Variants in AQP10 observed in about 807,000 individuals in gnomAD.
AQP10 encodes aquaporin-10.
A neutral mutation model predicts 21.0 loss-of-function variants in AQP10; 15 were observed. The ratio of observed to expected loss-of-function variants is 0.71; its 90% CI spans 0.48 to 1.10. The LOEUF is 1.10. AQP10 is among the 50% of genes least tolerant of loss of function. The pLI, the probability that AQP10 is intolerant of heterozygous loss-of-function variation, is 0.00. For synonymous variants in AQP10, 143 were observed against 155.7 expected (o/e 0.92, Z 0.61); for missense variants, 268 against 379.5 (o/e 0.71, Z 2.44).
chr1:154,324,094 G>C, intron 5 of AQP10, 188 bp from the exon 6 acceptor site: 1 of 1,193,946 alleles, frequency 8.4e-7, no homozygotes, highest in Non-Finnish European at 1.1e-6. Context: ...AAGGCAAGAG[G>C]CTGGACCAAG....
In AQP10 at chr1:154,323,917, G is replaced by T; in HGVS notation, c.707+111G>T. The T allele has an allele frequency of 6.6e-7, 1 of 1,507,252 alleles. No individual in the cohort carries two copies. The highest frequency in any genetic ancestry group is 8.9e-7 in the Non-Finnish European group (1 of 1,123,832). The allele number at this position is 1,507,252 out of a possible 1,614,324, so 93.4% of individuals were successfully genotyped here. A position where few individuals can be genotyped will look rare whatever the true frequency, so the allele number is the denominator to read the frequency against. ...TAAAATAGCTCTCTTGGCTTCTTAG[G>T]ACAGTGTTCTTTCTCCAAGTCATAT... On this transcript the variant is annotated intron_variant, in intron 5 of 5. Coordinates refer to ENST00000324978, the MANE Select transcript of AQP10 (RefSeq NM_080429.3). This position sits in a 1 kb window ranked among gnomAD's most constrained non-coding sequence, Gnocchi z 4.5.
chr1:154,322,201 T>G, intron 2 of AQP10, 142 bp downstream of exon 2: 1 of 1,332,710 alleles, frequency 7.5e-7, no homozygotes, highest in South Asian at 1.5e-5. Flanking sequence ...AATAAGCCTT[T>G]GGCCCCACCA....
At position 154,321,251 on chromosome 1, in the gene AQP10, T is replaced by C; in HGVS notation, c.96T>C (p.Phe32=). ...GCCTGGCAGAGTTTCTGGGTGTGTT[T>C]GTACTCATGGTAGGTAGGATCACTG... ...RQCLAEFLGV[F]VLMLLTQGAV... Residue 32 remains phenylalanine, a synonymous_variant, in exon 1 of 6, where the codon TTT becomes TTC. Transcript: ENST00000324978. 6.2e-7 allele frequency: 1 copy of C among 1,612,996 alleles called. No homozygotes were observed. Among genetic ancestry groups the C allele is most frequent in the African/African-American group, 1.3e-5 (1 of 74,960 alleles).
Position 154,323,815 on chromosome 1 carries a change from C to G in AQP10, c.707+9C>G. 6.2e-7 allele frequency: 1 copy of G among 1,613,474 alleles called. No homozygotes were observed. The highest frequency in any genetic ancestry group is 8.5e-7 in the Non-Finnish European group (1 of 1,179,664). On this transcript the variant is annotated intron_variant, in intron 5 of 5. Coordinates refer to ENST00000324978, the MANE Select transcript of AQP10 (RefSeq NM_080429.3). This position sits in a 1 kb window ranked among gnomAD's most constrained non-coding sequence, Gnocchi z 4.5. ...GGTCCTGAAGTCTTCAGGTGGGAGA[C>G]AGACTCTCCTGGTGCTGGCCTCCAC...
intron 1 of AQP10, 128 bp downstream of exon 1, chr1:154,321,388 C>T: frequency 1.6e-6 from 1 of 610,132 alleles, no homozygotes; most frequent in South Asian, 2.3e-5. Context: ...TCGTTTTTAT[C>T]CTCTCGTCTC....
chr1:154,324,131 AC>A (rs1175342981), intron 5 of AQP10, 150 bp from the exon 6 acceptor site: 2 of 1,105,762 alleles, frequency 1.8e-6, no homozygotes, highest in Non-Finnish European at 2.5e-6. Flanking sequence ...TCTTCTAAAT[AC>A]TATGCTTTGG....
chr1:154,324,585 G>T lies in AQP10; in HGVS notation c.*105G>T. 9.8e-6 allele frequency: 12 copies of T among 1,225,934 alleles called. No individual in the cohort carries two copies. Among genetic ancestry groups the T allele is most frequent in the South Asian group, 7.5e-5 (5 of 66,624 alleles). The allele number at this position is 1,225,934 out of a possible 1,614,324, so 75.9% of individuals were successfully genotyped here. The stretch of plus-strand genomic sequence containing the variant: ...TTGTTAATGTGCCAGAACCTGGGAG[G>T]CTTCTCTGTTTATCTGTTTGGCATC... On this transcript the variant is annotated 3_prime_UTR_variant, in exon 6 of 6. Coordinates refer to ENST00000324978, the MANE Select transcript of AQP10 (RefSeq NM_080429.3).
rs1272060157 is a variant in AQP10, at chr1:154,323,543, G to A, written c.490-46G>A. ...ATTTGGATGAGAGAGGGCAGATGGAGCACCTGGCAGCTGACAGGGAACCCT... is the reference window on the plus strand; with the variant it reads ...ATTTGGATGAGAGAGGGCAGATGGAACACCTGGCAGCTGACAGGGAACCCT... On this transcript the variant is annotated intron_variant, in intron 4 of 5. Transcript: ENST00000324978. This position sits in a 1 kb window ranked among gnomAD's most constrained non-coding sequence, Gnocchi z 4.5. The A allele has an allele frequency of 1.3e-6, 2 of 1,583,134 alleles. No homozygotes were observed. Among genetic ancestry groups the A allele is most frequent in the Admixed American group, 3.4e-5 (2 of 58,970 alleles).
At position 154,323,151 on chromosome 1, in the gene AQP10, G is replaced by C; in HGVS notation, c.370+32G>C. 6.2e-7 allele frequency: 1 copy of C among 1,614,114 alleles called. No individual in the cohort carries two copies. The highest frequency in any genetic ancestry group is 1.3e-5 in the African/African-American group (1 of 75,050). The stretch of plus-strand genomic sequence containing the variant: ...GAGGGAACAGAGGGAGCTGTGCCTT[G>C]AGAGCACCTGTGGGTGGGCAGGGGT... On this transcript the variant is annotated intron_variant, in intron 3 of 5. Coordinates refer to ENST00000324978, the MANE Select transcript of AQP10 (RefSeq NM_080429.3). The surrounding 1 kb of genome is among the most constrained non-coding windows in gnomAD (Gnocchi z 4.5).
intron 2 of AQP10, among the ~76,000 whole-genome samples, chr1:154,322,489 C>CTTCTTCTTTT (rs376265152): frequency 8.5e-6 from 1 of 117,858 alleles, no homozygotes; most frequent in African/African-American, 3.2e-5. Flanking sequence ...GTGTCTTCTT[C>CTTCTTCTTTT]TTTTTTTTTT....
rs1685633443 is a variant in AQP10, at chr1:154,321,192, C to A, written c.37C>A (p.His13Asn). ...FTQAPAEIMG[H>N]LRIRSLLARQ... ...TCAGGCCCCGGCTGAAATCATGGGC[C>A]ACCTCCGGATACGCAGCCTCCTGGC... Residue 13 changes from histidine (H) to asparagine (N), a missense_variant, in exon 1 of 6, where the codon CAC (histidine) becomes AAC (asparagine). By Grantham distance (68) the His-to-Asn change is moderately conservative. Transcript: ENST00000324978. 6.2e-7 allele frequency: 1 copy of A among 1,613,714 alleles called. No homozygotes were observed. Among genetic ancestry groups the A allele is most frequent in the Non-Finnish European group, 8.5e-7 (1 of 1,179,866 alleles).
chr1:154,322,899 G>T (rs1685681186), intron 2 of AQP10, 83 bp from the exon 3 acceptor site: 2 of 1,541,358 alleles, frequency 1.3e-6, no homozygotes, highest in Non-Finnish European at 8.9e-7. Context: ...AAGAGCTATA[G>T]GAAGGAGCAG....
At chr1:154,324,097 G>A in intron 5 of AQP10, 185 bp from the exon 6 acceptor site, 1 of 1,203,020 alleles carries the variant, frequency 8.3e-7, no homozygotes, top group Non-Finnish European at 1.1e-6. Flanking sequence ...GCAAGAGGCT[G>A]GACCAAGCTC....
rs1469995278 is a variant in AQP10 at position 154,321,154 on chromosome 1, C to T, written c.-2C>T. 3.1e-6 allele frequency: 5 copies of T among 1,612,600 alleles called. No homozygotes were observed. The highest frequency in any genetic ancestry group is 1.7e-5 in the Admixed American group (1 of 59,842). On this transcript the variant is annotated 5_prime_UTR_variant, in exon 1 of 6. Coordinates refer to ENST00000324978, the MANE Select transcript of AQP10 (RefSeq NM_080429.3). ...AGTGAATAGCAATAGGGTGTTTCCA[C>T]CATGGTCTTCACTCAGGCCCCGGCT... is the stretch of plus-strand genomic sequence containing the variant.
rs1173494699 is a variant in AQP10 at position 154,321,150 on chromosome 1, T to G, written c.-6T>G. On this transcript the variant is annotated 5_prime_UTR_variant, in exon 1 of 6. Coordinates refer to ENST00000324978, the MANE Select transcript of AQP10 (RefSeq NM_080429.3). ...GAGCAGTGAATAGCAATAGGGTGTT[T>G]CCACCATGGTCTTCACTCAGGCCCC... is the stretch of plus-strand genomic sequence containing the variant. The G allele has an allele frequency of 7.4e-6, 12 of 1,611,796 alleles. No individual in the cohort carries two copies. The highest frequency in any genetic ancestry group is 1.0e-5 in the Non-Finnish European group (12 of 1,178,702).
In AQP10 at chr1:154,324,375, C is replaced by T. The variant is rs368300859; in HGVS notation, c.801C>T (p.His267=). Residue 267 remains histidine (H), a synonymous_variant, in exon 6 of 6, where the codon CAC becomes CAT. Transcript: ENST00000324978. The stretch of plus-strand genomic sequence containing the variant: ...CTTACCAGCTGTTGGTGGCTCTGCA[C>T]CACCCTGAGGGCCCAGAGCCAGCTC... ...TATYQLLVAL[H]HPEGPEPAQD... is the part of the protein sequence containing the mutation. 22 of 1,613,202 alleles carry T rather than the reference C, an allele frequency of 1.4e-5. No homozygotes were observed. Among genetic ancestry groups the T allele is most frequent in the Non-Finnish European group, 5.1e-6 (6 of 1,179,926 alleles).
At chr1:154,321,666 A>G (rs1448376929) in intron 1 of AQP10, among the ~76,000 whole-genome samples, 1 of 152,184 alleles carries the variant, frequency 6.6e-6, no homozygotes, top group Non-Finnish European at 1.5e-5. Context: ...AATCTTAGAT[A>G]AGACTTTTTA....
At position 154,323,406 on chromosome 1, in the gene AQP10, T is replaced by G. The variant is rs1351228737; in HGVS notation, c.489+47T>G. The G allele has an allele frequency of 6.3e-7, 1 of 1,578,494 alleles. No homozygotes were observed. The highest frequency in any genetic ancestry group is 1.1e-5 in the South Asian group (1 of 89,990). On this transcript the variant is annotated intron_variant, in intron 4 of 5. Transcript: ENST00000324978. This position sits in a 1 kb window ranked among gnomAD's most constrained non-coding sequence, Gnocchi z 4.5. ...GGGGACACTACTTTGGTCCTGTTCC[T>G]CGGCACCCCAGCCTATTGTTCAGTC...
chr1:154,323,091 T>G lies in AQP10; in HGVS notation c.342T>G (p.Ala114=). The G allele has an allele frequency of 6.2e-7, 1 of 1,614,208 alleles. No homozygotes were observed. ...TGCAGTTGCTGTCTGCTTTCTGTGC[T>G]TCGGGAGCCACCTATGTTCTCTACC... ...ILVQLLSAFC[A]SGATYVLYHD... is the part of the protein sequence containing the mutation. Residue 114 remains alanine (A), a synonymous_variant, in exon 3 of 6, where the codon GCT becomes GCG. Transcript: ENST00000324978. This position sits in a 1 kb window ranked among gnomAD's most constrained non-coding sequence, Gnocchi z 4.5.
Sources: allele counts gnomAD v4.1 joint callset (sites outside exome capture counted in the v4.1 genomes callset), GRCh38; gene constraint gnomAD v4.1.1; non-coding constraint Gnocchi (gnomAD v3.1); transcripts MANE v1.5; gene names NCBI Gene and HGNC (gene_info 2026-07-23, HGNC 2026-07-21).